Variants in TMC1 observed in about 807,000 individuals in gnomAD.
TMC1 encodes the protein transmembrane channel-like protein 1.
TMC1 carries 84 observed loss-of-function variants against 105.8 expected under a neutral mutation model. The ratio of observed to expected loss-of-function variants is 0.79; its 90% CI spans 0.67 to 0.95. The LOEUF (loss-of-function observed/expected upper bound fraction) is 0.95. Ranked by LOEUF, TMC1 falls within the 40% of genes least tolerant of loss-of-function variation. TMC1 has a pLI of 0.00. For synonymous variants in TMC1, 315 were observed against 311.5 expected, an observed-to-expected ratio of 1.01 and a Z score of -0.12; for missense variants, 817 against 914.1, an observed-to-expected ratio of 0.89 and a Z score of 1.37.
chr9:72,774,445 T>A (rs1456002122), intron 13 of TMC1, among the ~76,000 whole-genome samples: 1 of 152,192 alleles, frequency 6.6e-6, no homozygotes. Flanking sequence ...ATCTGGTGTG[T>A]ATTTTATACC....
At chr9:72,606,501 T>C (rs1007828519) in intron 2 of TMC1, among the ~76,000 whole-genome samples, 1 of 152,210 alleles carries the variant, frequency 6.6e-6, no homozygotes, top group Non-Finnish European at 1.5e-5. Flanking sequence ...AGGCTGGCTA[T>C]GGTAATTAGG....
intron 17 of TMC1, among the ~76,000 whole-genome samples, chr9:72,803,940 C>T (rs1828523681): frequency 6.6e-6 from 1 of 152,170 alleles, no homozygotes; most frequent in African/African-American, 2.4e-5. Context: ...CACGTATATT[C>T]ATTGCAGCAC....
chr9:72,779,046 ATTG>A (rs1828050888), intron 13 of TMC1, among the ~76,000 whole-genome samples: 1 of 152,198 alleles, frequency 6.6e-6, no homozygotes, highest in African/African-American at 2.4e-5. Context: ...CTCATGGAGC[ATTG>A]TTGTTAACAG....
intron 13 of TMC1, among the ~76,000 whole-genome samples, chr9:72,784,300 C>G (rs1460392107): frequency 6.6e-6 from 1 of 152,134 alleles, no homozygotes; most frequent in Non-Finnish European, 1.5e-5. Context: ...AGAAGGCACA[C>G]ACGGCCATTA....
intron 18 of TMC1, among the ~76,000 whole-genome samples, chr9:72,813,907 T>C (rs931157421): frequency 1.3e-5 from 2 of 152,146 alleles, no homozygotes; most frequent in African/African-American, 4.8e-5. Flanking sequence ...CCTGTATCCT[T>C]TCTGTGCATC....
chr9:72,740,093 C>T, intron 8 of TMC1, 26 bp from the exon 9 acceptor site: 1 of 1,575,532 alleles, frequency 6.3e-7, no homozygotes. Context: ...CTCCTTTTAT[C>T]CCTTATGTTA....
chr9:72,806,370 CCGGA>C, intron 18 of TMC1, among the ~76,000 whole-genome samples: 1 of 141,832 alleles, frequency 7.1e-6, no homozygotes, highest in South Asian at 2.2e-4. Flanking sequence ...CACCTCCCTC[CCGGA>C]CGGGGCGGCT....
chr9:72,571,179 C>T lies in TMC1; in HGVS notation c.-427-6723C>T, dbSNP rs867325657. Among the ~76,000 whole-genome samples the T allele has an allele frequency of 5.3e-5, 8 of 150,314 alleles. No individual in the cohort carries two copies. In the South Asian group the frequency reaches 6.4e-4, roughly 12 times the overall value. On this transcript the variant is annotated intron_variant, in intron 1 of 23. Transcript: ENST00000297784. ...CTCTACAAAAAATATAAAAATTAGCCGGGCATGGTGGCAGGTGCCTGTAGT... is the reference window on the plus strand; with the variant it reads ...CTCTACAAAAAATATAAAAATTAGCTGGGCATGGTGGCAGGTGCCTGTAGT...
chr9:72,548,887 G>A (rs1176760899), intron 1 of TMC1, among the ~76,000 whole-genome samples: 1 of 152,120 alleles, frequency 6.6e-6, no homozygotes, highest in East Asian at 1.9e-4. Context: ...TTCTAAAGAC[G>A]ATGTGCTGCT....
At chr9:72,738,575 G>A (rs770580150) in intron 8 of TMC1, among the ~76,000 whole-genome samples, 1 of 151,878 alleles carries the variant, frequency 6.6e-6, no homozygotes, top group Non-Finnish European at 1.5e-5. Context: ...ACACCACCAC[G>A]CCTGGTCGAT....
chr9:72,781,955 C>T (rs1157568758), intron 13 of TMC1, among the ~76,000 whole-genome samples: 1 of 152,198 alleles, frequency 6.6e-6, no homozygotes, highest in African/African-American at 2.4e-5. Context: ...CTCTTTAACT[C>T]ATTCCATGAG....
chr9:72,617,223 G>A (rs1468344249), intron 3 of TMC1, among the ~76,000 whole-genome samples: 2 of 152,048 alleles, frequency 1.3e-5, no homozygotes, highest in Admixed American at 1.3e-4. Context: ...GTGCAGGGGT[G>A]CTATCTCGGC....
Position 72,760,002 on chromosome 9 carries a change from A to T in TMC1, c.741+5118A>T, listed in dbSNP as rs576564087. 4.0e-4 allele frequency among the ~76,000 whole-genome samples: 61 copies of T among 152,156 alleles called. 1 individual carries two copies. The highest frequency in any genetic ancestry group is 5.0e-4 in the Non-Finnish European group (34 of 68,038). ...CATTTGGGCCCCATTTTAATCTTTCATAATAATCTTGTAATTCCCAAATCA... is the reference window on the plus strand; with the variant it reads ...CATTTGGGCCCCATTTTAATCTTTCTTAATAATCTTGTAATTCCCAAATCA... On this transcript the variant is annotated intron_variant, in intron 12 of 23. Transcript: ENST00000297784.
At chr9:72,771,238 AAG>A (rs1244794487) in intron 12 of TMC1, among the ~76,000 whole-genome samples, 3 of 152,148 alleles carry the variant, frequency 2.0e-5, no homozygotes, top group Non-Finnish European at 1.5e-5. Context: ...CTAGTTCTTA[AAG>A]AGTACAATAT....
chr9:72,598,119 G>A (rs1022066728), intron 2 of TMC1, among the ~76,000 whole-genome samples: 1 of 152,172 alleles, frequency 6.6e-6, no homozygotes, highest in Non-Finnish European at 1.5e-5. Context: ...ACAATCTTCA[G>A]CCATCACTAT....
chr9:72,753,286 C>CTTTTTTTTTTTTTTTT (rs5898269), intron 11 of TMC1, among the ~76,000 whole-genome samples: 6 of 81,822 alleles, frequency 7.3e-5, no homozygotes, highest in Admixed American at 1.6e-4. Flanking sequence ...TTAACCCCAG[C>CTTTTTTTTTTTTTTTT]TTTTTTTTTT....
chr9:72,820,018 A>T (rs1056708352), intron 19 of TMC1, among the ~76,000 whole-genome samples: 2 of 152,226 alleles, frequency 1.3e-5, no homozygotes, highest in Admixed American at 6.5e-5. Flanking sequence ...CCCACCTAAA[A>T]GTAGTATTTT....
chr9:72,668,102 C>G (rs987615590), intron 5 of TMC1, among the ~76,000 whole-genome samples: 1 of 152,156 alleles, frequency 6.6e-6, no homozygotes, highest in Non-Finnish European at 1.5e-5. Flanking sequence ...TACTTTATAG[C>G]TCTCCAGATT....
chr9:72,715,292 A>T (rs1826899027), intron 8 of TMC1, among the ~76,000 whole-genome samples: 1 of 152,062 alleles, frequency 6.6e-6, no homozygotes, highest in African/African-American at 2.4e-5. Flanking sequence ...TATTTCCTGA[A>T]TTTGAATGTT....
Sources: allele counts gnomAD v4.1 joint callset (sites outside exome capture counted in the v4.1 genomes callset), GRCh38; gene constraint gnomAD v4.1.1; transcripts MANE v1.5; gene names NCBI Gene and HGNC (gene_info 2026-07-23, HGNC 2026-07-21).